The following PAPPA variants were observed in gnomAD, a reference collection of about 807,000 sequenced individuals.
The protein encoded by PAPPA is pappalysin 1, also known as pappalysin-1.
In PAPPA, 60 loss-of-function variants were observed where a neutral mutation model predicts 164.0. The observed-to-expected ratio is 0.37, with a 90% CI of 0.30 to 0.45. The LOEUF is 0.45. PAPPA is among the 20% of genes least tolerant of loss of function. The pLI is 1.00. For missense variants in PAPPA, 1,782 were observed against 2,087.3 expected (o/e 0.85, Z 2.85); for synonymous variants, 875 against 814.1 (o/e 1.07, Z -1.27).
In PAPPA at chr9:116,347,731, G is replaced by A. The variant is rs1846230503; in HGVS notation, c.3964+522G>A. Among the ~76,000 whole-genome samples the A allele has an allele frequency of 6.6e-6, 1 of 152,136 alleles. No individual in the cohort carries two copies. The highest frequency in any genetic ancestry group is 1.5e-5 in the Non-Finnish European group (1 of 68,028). On this transcript the variant is annotated intron_variant, in intron 15 of 21. Transcript: ENST00000328252. This position sits in a 1 kb window ranked among gnomAD's most constrained non-coding sequence, Gnocchi z 4.5. ...AATGCTGGCTGCCACTCATTAAGAG[G>A]GGCCAGCTGGGCAGAGAAGAGCAGA...
At chr9:116,388,358 A>G (rs1846843850) in intron 21 of PAPPA, among the ~76,000 whole-genome samples, 2 of 152,226 alleles carry the variant, frequency 1.3e-5, no homozygotes, top group South Asian at 4.1e-4. Context: ...CATGACAAAA[A>G]AAATTCAATT....
At chr9:116,308,700 C>T (rs1400304745) in intron 10 of PAPPA, among the ~76,000 whole-genome samples, 8 of 152,164 alleles carry the variant, frequency 5.3e-5, no homozygotes, top group Non-Finnish European at 8.8e-5. Flanking sequence ...TAAGGAACAC[C>T]GGGAAAGTGG....
At chr9:116,202,375 T>C (rs952164696) in intron 2 of PAPPA, among the ~76,000 whole-genome samples, 9 of 152,242 alleles carry the variant, frequency 5.9e-5, no homozygotes, top group African/African-American at 1.9e-4. Flanking sequence ...GTGAGATGCA[T>C]AAAGAAAATA....
chr9:116,271,231 A>G lies in PAPPA; in HGVS notation c.2862-94A>G. 1.3e-6 allele frequency: 1 copy of G among 785,014 alleles called. No individual in the cohort carries two copies. Among genetic ancestry groups the G allele is most frequent in the Non-Finnish European group, 2.3e-6 (1 of 443,200 alleles). 48.6% of individuals were successfully genotyped at this position (785,014 alleles called of 1,614,324 possible). On this transcript the variant is annotated intron_variant, in intron 8 of 21. Coordinates refer to ENST00000328252, the MANE Select transcript of PAPPA (RefSeq NM_002581.5). This position sits in a 1 kb window ranked among gnomAD's most constrained non-coding sequence, Gnocchi z 4.2. ...GAGAAAGGGATTTGTGCAAGGTCTCACTGAAGGTTCATGGCCCAGGGAGGG... is the reference window on the plus strand; with the variant it reads ...GAGAAAGGGATTTGTGCAAGGTCTCGCTGAAGGTTCATGGCCCAGGGAGGG...
intron 10 of PAPPA, among the ~76,000 whole-genome samples, chr9:116,306,531 C>G (rs768790592): frequency 6.6e-6 from 1 of 152,170 alleles, no homozygotes; most frequent in Non-Finnish European, 1.5e-5. Flanking sequence ...TTGGGTTGAA[C>G]ATCCTATAAT....
intron 2 of PAPPA, among the ~76,000 whole-genome samples, chr9:116,205,307 C>A (rs1474395727): frequency 1.3e-5 from 2 of 152,166 alleles, no homozygotes; most frequent in East Asian, 3.8e-4. Flanking sequence ...AATAAACAAC[C>A]AATTAAAATG....
chr9:116,376,954 G>A (rs375077610), intron 19 of PAPPA, among the ~76,000 whole-genome samples: 1 of 152,116 alleles, frequency 6.6e-6, no homozygotes, highest in South Asian at 2.1e-4. Flanking sequence ...AGACTGTAGT[G>A]TGCATTGGAA....
At chr9:116,253,172 A>T (rs1198261370) in intron 7 of PAPPA, among the ~76,000 whole-genome samples, 1 of 152,058 alleles carries the variant, frequency 6.6e-6, no homozygotes. Flanking sequence ...AGCTATCAAA[A>T]AAAAAAGCCT....
At chr9:116,220,995 C>A (rs116228501) in intron 5 of PAPPA, among the ~76,000 whole-genome samples, 161 of 150,402 alleles carry the variant, frequency 1.1e-3, no homozygotes, top group African/African-American at 3.8e-3. Flanking sequence ...TTTTATAAGA[C>A]CAGGGAATGA....
At chr9:116,365,969 G>A (rs1846495706) in intron 18 of PAPPA, among the ~76,000 whole-genome samples, 1 of 152,058 alleles carries the variant, frequency 6.6e-6, no homozygotes, top group Non-Finnish European at 1.5e-5. Context: ...TGTGAAACGG[G>A]TGTCATGTAC....
At chr9:116,248,210 T>A (rs1028413648) in intron 7 of PAPPA, among the ~76,000 whole-genome samples, 34 of 152,154 alleles carry the variant, frequency 2.2e-4, no homozygotes, top group African/African-American at 7.7e-4. Context: ...AAAGATAAAT[T>A]GTACTTTAAC....
intron 9 of PAPPA, among the ~76,000 whole-genome samples, chr9:116,289,396 CTATATATATATAG>C (rs1564212506): frequency 2.7e-4 from 19 of 71,502 alleles, no homozygotes; most frequent in Non-Finnish European, 3.3e-4. Flanking sequence ...GTATATATAG[CTATATATATATAG>C]CATATATATA....
chr9:116,263,165 A>G (rs549033494), intron 7 of PAPPA, among the ~76,000 whole-genome samples: 1 of 152,330 alleles, frequency 6.6e-6, no homozygotes, highest in Non-Finnish European at 1.5e-5. Context: ...ACACACACAC[A>G]GCTAGAAGAA....
chr9:116,232,899 T>C (rs1279468088), intron 6 of PAPPA, among the ~76,000 whole-genome samples: 1 of 152,198 alleles, frequency 6.6e-6, no homozygotes, highest in Non-Finnish European at 1.5e-5. Context: ...AACAAGAAAC[T>C]AGGGAGGAAG....
chr9:116,377,326 G>T (rs1283011916), intron 19 of PAPPA, among the ~76,000 whole-genome samples: 1 of 152,016 alleles, frequency 6.6e-6, no homozygotes, highest in Non-Finnish European at 1.5e-5. Context: ...CTCCAGTTCT[G>T]CTTCTCCTCA....
At chr9:116,323,916 T>C (rs904429791) in intron 10 of PAPPA, among the ~76,000 whole-genome samples, 1 of 152,302 alleles carries the variant, frequency 6.6e-6, no homozygotes, top group African/African-American at 2.4e-5. Context: ...AAGTGAGCAA[T>C]TGAGTCAGTT....
Position 116,322,985 on chromosome 9 carries a change from C to T in PAPPA, c.3148-8259C>T, listed in dbSNP as rs1845878541. On this transcript the variant is annotated intron_variant, in intron 10 of 21. Transcript: ENST00000328252. Reference sequence around the variant, plus strand: ...AGGCTTGATGAGCACTTCCTCCCTCCCATGATTGACAAAAGGGCATGTAAA... The same window carrying T: ...AGGCTTGATGAGCACTTCCTCCCTCTCATGATTGACAAAAGGGCATGTAAA... Among the ~76,000 whole-genome samples the T allele has an allele frequency of 2.0e-5, 3 of 152,102 alleles. No individual in the cohort carries two copies. In the South Asian group the frequency reaches 6.2e-4, roughly 32 times the overall value.
At chr9:116,274,639 A>G (rs1034398870) in intron 9 of PAPPA, among the ~76,000 whole-genome samples, 2 of 152,216 alleles carry the variant, frequency 1.3e-5, no homozygotes, top group African/African-American at 4.8e-5. Flanking sequence ...AAATGGTAAA[A>G]GCCCTAGAAC....
Position 116,300,389 on chromosome 9 carries a change from C to T in PAPPA, c.2954-2368C>T, listed in dbSNP as rs536727691. Among the ~76,000 whole-genome samples, 4 of 152,132 alleles carry T rather than the reference C, an allele frequency of 2.6e-5. No individual in the cohort carries two copies. The South Asian group carries it at 8.3e-4, about 32-fold the overall frequency. ...ACCTACTGGGCTCAATAAATCCTCC[C>T]ACCTCAGCCTCATGAGTAGCTGGGA... On this transcript the variant is annotated intron_variant, in intron 9 of 21. Transcript: ENST00000328252.
Sources: allele counts gnomAD v4.1 joint callset (sites outside exome capture counted in the v4.1 genomes callset), GRCh38; gene constraint gnomAD v4.1.1; non-coding constraint Gnocchi (gnomAD v3.1); transcripts MANE v1.5; gene names NCBI Gene and HGNC (gene_info 2026-07-23, HGNC 2026-07-21).